Variants in MACF1 observed in about 807,000 individuals in gnomAD.
MACF1 encodes microtubule-actin cross-linking factor 1.
Under a neutral mutation model 854.8 loss-of-function variants are expected in MACF1, and 193 were observed. The observed-to-expected ratio is 0.23, with a 90% CI of 0.20 to 0.25. The LOEUF is 0.25. Ranked by LOEUF, MACF1 falls within the 10% of genes least tolerant of loss-of-function variation. MACF1 has a pLI of 1.00. For synonymous variants in MACF1, 3,185 were observed against 3,226.7 expected (o/e 0.99, Z 0.44); for missense variants, 7,722 against 8,929.1 (o/e 0.86, Z 5.45).
At chr1:39,249,409 A>G (rs149839217) in intron 2 of MACF1, among the ~76,000 whole-genome samples, 13 of 152,358 alleles carry the variant, frequency 8.5e-5, no homozygotes, top group African/African-American at 3.1e-4. Flanking sequence ...GATAGATAAC[A>G]TATTAAACAT....
At chr1:39,097,997 A>G (rs1219679029) in intron 2 of MACF1, among the ~76,000 whole-genome samples, 1 of 152,018 alleles carries the variant, frequency 6.6e-6, no homozygotes, top group African/African-American at 2.4e-5. Flanking sequence ...AAAAAGCCAC[A>G]CCTCACAGTT....
At position 39,336,331 on chromosome 1, in the gene MACF1, C is replaced by T. The variant is rs1411713878; in HGVS notation, c.9743C>T (p.Ala3248Val). 6.2e-7 allele frequency: 1 copy of T among 1,614,172 alleles called. No individual in the cohort carries two copies. Among genetic ancestry groups the T allele is most frequent in the Admixed American group, 1.7e-5 (1 of 60,026 alleles). Reference protein sequence around the residue: ...KFLEMANPNVAGLEAGSIEDI... With the variant: ...KFLEMANPNVVGLEAGSIEDI... ...CTAGAAATGGCAAACCCTAATGTTG[C>T]AGGTCTAGAAGCAGGATCCATTGAG... is the stretch of plus-strand genomic sequence containing the variant. The change falls in exon 37 of 101, where the codon GCA (alanine) becomes GTA (valine). Residue 3248 changes from alanine (A) to valine (V), a missense_variant. Around this residue, in one of 15 missense-constraint regions of MACF1, gnomAD observed 854 missense variants for 852.6 expected, o/e 1.00. Coordinates refer to ENST00000564288, the MANE Select transcript of MACF1 (RefSeq NM_001394062.1).
At chr1:39,244,018 G>A (rs1462917379) in intron 2 of MACF1, among the ~76,000 whole-genome samples, 1 of 151,414 alleles carries the variant, frequency 6.6e-6, no homozygotes, top group Admixed American at 6.6e-5. Flanking sequence ...CAGTTTTCCA[G>A]GCAAGGAAAA....
At chr1:39,257,914 C>T (rs145835394) in intron 5 of MACF1, 22 bp from the exon 6 acceptor site, 15 of 1,566,632 alleles carry the variant, frequency 9.6e-6, no homozygotes, top group East Asian at 2.2e-5. Flanking sequence ...AGCTCTGAGC[C>T]GTGCTTTTAT....
chr1:39,384,455 G>A (rs1650514351), intron 56 of MACF1, among the ~76,000 whole-genome samples: 1 of 152,194 alleles, frequency 6.6e-6, no homozygotes, highest in South Asian at 2.1e-4. Flanking sequence ...TCATTTTACA[G>A]ATGAGGAAGC....
chr1:39,385,991 G>C, intron 57 of MACF1, 62 bp downstream of exon 57: 1 of 1,505,718 alleles, frequency 6.6e-7, no homozygotes, highest in Non-Finnish European at 8.9e-7. Flanking sequence ...GAAGGAATGG[G>C]TTAGGAGTAG....
chr1:39,348,171 A>G (rs573575944), intron 41 of MACF1, among the ~76,000 whole-genome samples: 6 of 152,310 alleles, frequency 3.9e-5, no homozygotes, highest in South Asian at 2.1e-4. Flanking sequence ...TTTTTCAACT[A>G]TATTGAAATT....
chr1:39,393,196 AATATATATATAT>A (rs1553345251), intron 58 of MACF1, among the ~76,000 whole-genome samples: 18 of 66,566 alleles, frequency 2.7e-4, no homozygotes, highest in Admixed American at 2.6e-3. Flanking sequence ...AAAAAAAAAA[AATATATATATAT>A]ATATATATAT....
intron 44 of MACF1, among the ~76,000 whole-genome samples, chr1:39,355,291 G>C (rs597708): frequency 0.4 from 61,551 of 151,978 alleles, 14,641 homozygotes; most frequent in African/African-American, 0.67. Flanking sequence ...TCAACCTAAT[G>C]AAGTGGTATC....
intron 2 of MACF1, among the ~76,000 whole-genome samples, chr1:39,134,260 A>G (rs1643101798): frequency 6.6e-6 from 1 of 150,392 alleles, no homozygotes; most frequent in South Asian, 2.1e-4. Context: ...GTTAGCCAGG[A>G]TGGTTTCGAT....
chr1:39,355,431 T>TGTC (rs1171244992), intron 44 of MACF1, among the ~76,000 whole-genome samples: 1 of 151,946 alleles, frequency 6.6e-6, no homozygotes, highest in East Asian at 1.9e-4. Flanking sequence ...AAGATATATT[T>TGTC]GTCATTCCAG....
chr1:39,431,288 G>GAAATCAA, intron 66 of MACF1, among the ~76,000 whole-genome samples: 1 of 91,370 alleles, frequency 1.1e-5, no homozygotes, highest in African/African-American at 6.8e-5. Context: ...AGAGGGGGAA[G>GAAATCAA]GAATTACTAT....
intron 80 of MACF1, among the ~76,000 whole-genome samples, chr1:39,445,082 A>G (rs973162583): frequency 5.3e-5 from 8 of 152,172 alleles, no homozygotes; most frequent in Non-Finnish European, 8.8e-5. Flanking sequence ...TTTATGTCCT[A>G]TATTAATCAC....
At chr1:39,353,282 G>A (rs776084089) in intron 44 of MACF1, 51 bp downstream of exon 44, 46 of 1,408,982 alleles carry the variant, frequency 3.3e-5, no homozygotes, top group Non-Finnish European at 3.2e-5. Context: ...CTCCTGCCCT[G>A]AGCAAGTAAC....
intron 2 of MACF1, among the ~76,000 whole-genome samples, chr1:39,184,904 A>G (rs1032543254): frequency 1.3e-5 from 2 of 152,192 alleles, no homozygotes; most frequent in Admixed American, 6.6e-5. Context: ...TTGTGCTTAT[A>G]ACTCGTTCAT....
chr1:39,378,171 C>A (rs968108540), intron 52 of MACF1, among the ~76,000 whole-genome samples: 4 of 152,146 alleles, frequency 2.6e-5, no homozygotes, highest in African/African-American at 9.7e-5. Flanking sequence ...CCAGTACTTG[C>A]TTCACAAAAT....
chr1:39,095,328 C>T (rs544956003), intron 2 of MACF1, among the ~76,000 whole-genome samples: 76 of 151,848 alleles, frequency 5.0e-4, no homozygotes, highest in Admixed American at 2.4e-3. Flanking sequence ...TTTGGGAGGC[C>T]GAGGCGGGCG....
Position 39,284,198 on chromosome 1 carries a change from A to G in MACF1, c.1035+13A>G, listed in dbSNP as rs1357576561. 3.1e-6 allele frequency: 5 copies of G among 1,608,892 alleles called. No individual in the cohort carries two copies. Among genetic ancestry groups the G allele is most frequent in the Non-Finnish European group, 4.2e-6 (5 of 1,178,544 alleles). ...TGTTGAACTAAAGGTAAAGTCAAGG[A>G]CTTAAATTTTTTTGGTAAAATCTTT... On this transcript the variant is annotated intron_variant, in intron 10 of 100. Transcript: ENST00000564288.
intron 2 of MACF1, among the ~76,000 whole-genome samples, chr1:39,176,306 C>G (rs1279410540): frequency 6.7e-6 from 1 of 150,214 alleles, no homozygotes; most frequent in Non-Finnish European, 1.5e-5. Context: ...TCACTTTCTT[C>G]TTCTAAATCC....
Sources: allele counts gnomAD v4.1 joint callset (sites outside exome capture counted in the v4.1 genomes callset), GRCh38; gene constraint gnomAD v4.1.1; regional missense constraint gnomAD v4.1.1; transcripts MANE v1.5; gene names NCBI Gene and HGNC (gene_info 2026-07-23, HGNC 2026-07-21).